Variants in PKP2 observed in about 807,000 individuals in gnomAD.
PKP2 encodes the protein plakophilin-2.
Under a neutral mutation model 83.4 loss-of-function variants are expected in PKP2, and 73 were observed. The ratio of observed to expected loss-of-function variants is 0.88; its 90% confidence interval spans 0.72 to 1.06. PKP2 has a LOEUF of 1.06. PKP2 is among the 50% of genes least tolerant of loss of function. The probability of loss-of-function intolerance (pLI) is 0.00; values close to 1 mark genes in which losing one functional copy is unlikely to be tolerated. For missense variants in PKP2, 966 were observed against 1,065.4 expected (o/e 0.91, Z 1.30); for synonymous variants, 409 against 430.4 (o/e 0.95, Z 0.62).
chr12:32,795,931 T>C (rs1055703192), intron 11 of PKP2, among the ~76,000 whole-genome samples, 178 bp downstream of exon 11: 1 of 152,210 alleles, frequency 6.6e-6, no homozygotes, highest in African/African-American at 2.4e-5. Flanking sequence ...TGTGGTGGAT[T>C]CAGTTCTTTC....
chr12:32,873,027 TC>T (rs1237618843), intron 3 of PKP2, among the ~76,000 whole-genome samples: 1 of 152,204 alleles, frequency 6.6e-6, no homozygotes, highest in African/African-American at 2.4e-5. Flanking sequence ...AATTTGACTG[TC>T]AATCCTAGAG....
rs558376565 is a variant in PKP2, at chr12:32,856,455, A to G, written c.1171-5482T>C. 9.9e-4 allele frequency among the ~76,000 whole-genome samples: 150 copies of G among 152,170 alleles called. 1 individual carries two copies. Among genetic ancestry groups the G allele is most frequent in the African/African-American group, 3.5e-3 (145 of 41,528 alleles). On this transcript the variant is annotated intron_variant, in intron 4 of 12. Coordinates refer to ENST00000340811, the MANE Select transcript of PKP2 (RefSeq NM_001005242.3). ...GTGGGTAGATTCCAAATACTTTTAG[A>G]AGTAGCATTAACAGGACCTGAAGAC...
At chr12:32,825,546 C>T (rs895245484) in intron 6 of PKP2, among the ~76,000 whole-genome samples, 3 of 152,126 alleles carry the variant, frequency 2.0e-5, no homozygotes, top group Non-Finnish European at 4.4e-5. Context: ...GTGTTAGTGT[C>T]ATTCTGAACA....
Position 32,808,256 on chromosome 12 carries a change from G to A in PKP2, c.2014-5700C>T, listed in dbSNP as rs150387694. Among the ~76,000 whole-genome samples the A allele has an allele frequency of 4.3e-3, 657 of 152,114 alleles. 4 individuals carry two copies. In the Middle Eastern group the frequency reaches 0.058, roughly 13 times the overall value. On this transcript the variant is annotated intron_variant, in intron 9 of 12. Transcript: ENST00000340811. ...CTTTTTTCTCTATTCTTGTCTGCCT[G>A]TCTTATTTCAGAAAGATAGTCTTCA...
intron 9 of PKP2, among the ~76,000 whole-genome samples, chr12:32,815,312 A>G (rs917550569): frequency 1.3e-5 from 2 of 152,190 alleles, no homozygotes; most frequent in African/African-American, 4.8e-5. Flanking sequence ...AGTCCTCTGT[A>G]GCCTGACATT....
In PKP2 at chr12:32,810,783, G is replaced by A. The variant is rs1223271964; in HGVS notation, c.2014-8227C>T. ...TGCAAGCTCCGCCTCCCGGGTTCAC[G>A]CCATTCTCCTGCCTCAGCCTCCCGA... On this transcript the variant is annotated intron_variant, in intron 9 of 12. Transcript: ENST00000340811. Among the ~76,000 whole-genome samples, 2 of 13,004 alleles carry A rather than the reference G, an allele frequency of 1.5e-4. 1 individual carries two copies. Among genetic ancestry groups the A allele is most frequent in the African/African-American group, 2.7e-4 (2 of 7,296 alleles). The allele number at this position is 13,004 out of a possible 152,430, so 8.5% of individuals were successfully genotyped here.
At chr12:32,805,747 C>G (rs542456406) in intron 9 of PKP2, among the ~76,000 whole-genome samples, 2 of 152,294 alleles carry the variant, frequency 1.3e-5, no homozygotes, top group Admixed American at 1.3e-4. Flanking sequence ...CATGATGCCT[C>G]TAGCTTTGAT....
chr12:32,837,557 C>G (rs1363037393), intron 6 of PKP2, among the ~76,000 whole-genome samples: 1 of 152,196 alleles, frequency 6.6e-6, no homozygotes, highest in Non-Finnish European at 1.5e-5. Context: ...CATTATGGCA[C>G]TCACTTCCCA....
intron 1 of PKP2, among the ~76,000 whole-genome samples, chr12:32,892,842 G>A (rs4420362): frequency 0.95 from 89,261 of 94,132 alleles, 42,649 homozygotes; most frequent in Non-Finnish European, 0.99. Flanking sequence ...GAACTGTGTA[G>A]CAAGTAGTAC....
intron 5 of PKP2, among the ~76,000 whole-genome samples, chr12:32,849,820 C>T (rs1262755694): frequency 6.6e-6 from 1 of 152,144 alleles, no homozygotes; most frequent in Non-Finnish European, 1.5e-5. Flanking sequence ...TATCCAGTTA[C>T]TCTTTTCTTC....
In PKP2 at chr12:32,796,134, T is replaced by A. The variant is rs145324631; in HGVS notation, c.2332A>T (p.Ile778Phe). ...DLLNTGGIQK[I>F]MAISAGDAYA... ...GCATCGCCTGCACTAATGGCCATAATTTTCTGGATGCCCCCGGTGTTTAGA... is the reference window on the plus strand; with the variant it reads ...GCATCGCCTGCACTAATGGCCATAAATTTCTGGATGCCCCCGGTGTTTAGA... The change falls in exon 11 of 13, where the codon ATT (isoleucine) becomes TTT (phenylalanine). Residue 778 changes from isoleucine (I) to phenylalanine (F), a missense_variant. By Grantham distance (21) the Ile-to-Phe change is conservative. Transcript: ENST00000340811. The A allele has an allele frequency of 1.9e-6, 3 of 1,614,098 alleles. No individual in the cohort carries two copies. Among genetic ancestry groups the A allele is most frequent in the Non-Finnish European group, 8.5e-7 (1 of 1,180,010 alleles).
intron 4 of PKP2, among the ~76,000 whole-genome samples, chr12:32,852,235 G>A (rs1380717276): frequency 1.3e-5 from 2 of 152,188 alleles, no homozygotes; most frequent in South Asian, 2.1e-4. Context: ...CCTTTCAGAC[G>A]AAGTTTGTCA....
chr12:32,855,223 C>T (rs1045168562), intron 4 of PKP2, among the ~76,000 whole-genome samples: 20 of 152,178 alleles, frequency 1.3e-4, no homozygotes, highest in African/African-American at 4.8e-4. Context: ...AAACCATTAA[C>T]ATCCAGCAAT....
chr12:32,819,367 C>T (rs1175053068), intron 9 of PKP2, among the ~76,000 whole-genome samples: 2 of 151,040 alleles, frequency 1.3e-5, no homozygotes, highest in Admixed American at 1.3e-4. Flanking sequence ...CATATTTGTC[C>T]CATGCTGCTA....
At position 32,822,558 on chromosome 12, in the gene PKP2, G is replaced by C. The variant is rs769817013; in HGVS notation, c.1748C>G (p.Ser583Cys). The change falls in exon 8 of 13, where the codon TCC becomes TGC. Residue 583 changes from serine to cysteine, a missense_variant. Coordinates refer to ENST00000340811, the MANE Select transcript of PKP2 (RefSeq NM_001005242.3). ...CCGGTTTTGAATATAGATATTCTGG[G>C]AATATTTCTCTGGGAGCTCTGCCTC... Reference protein sequence around the residue: ...QLEAELPEKYSQNIYIQNRNI... With the variant: ...QLEAELPEKYCQNIYIQNRNI... 6.2e-7 allele frequency: 1 copy of C among 1,613,840 alleles called. No homozygotes were observed. The highest frequency in any genetic ancestry group is 1.3e-5 in the African/African-American group (1 of 74,892).
In PKP2 at chr12:32,792,717, T is replaced by C. The variant is rs372729739; in HGVS notation, c.2372A>G (p.Lys791Arg). The C allele has an allele frequency of 1.4e-5, 23 of 1,613,514 alleles. No homozygotes were observed. Among genetic ancestry groups the C allele is most frequent in the African/African-American group, 4.0e-5 (3 of 74,772 alleles). ...ISAGDAYASNKASKAASVLLY... is the reference protein window; with the variant it reads ...ISAGDAYASNRASKAASVLLY... ...AAGGACGGAAGCAGCTTTACTTGCT[T>C]TGTTGGAGGCATAGCTGAAAAGAAA... The change falls in exon 12 of 13, where the codon AAA (lysine) becomes AGA (arginine). Residue 791 changes from lysine (K) to arginine (R), a missense_variant. Lys to Arg is a conservative substitution (Grantham distance 26). Coordinates refer to ENST00000340811, the MANE Select transcript of PKP2 (RefSeq NM_001005242.3).
intron 9 of PKP2, among the ~76,000 whole-genome samples, chr12:32,803,023 T>C (rs986479693): frequency 6.6e-5 from 10 of 152,154 alleles, no homozygotes; most frequent in Non-Finnish European, 1.2e-4. Context: ...TAAACTCTTA[T>C]TAAGTTTTCA....
intron 4 of PKP2, among the ~76,000 whole-genome samples, chr12:32,859,544 C>T (rs1010566417): frequency 1.3e-5 from 2 of 152,088 alleles, no homozygotes; most frequent in Non-Finnish European, 2.9e-5. Context: ...GCAACCTCTG[C>T]CCCCTGGGTT....
intron 10 of PKP2, among the ~76,000 whole-genome samples, chr12:32,796,797 T>A (rs1209274639): frequency 6.6e-6 from 1 of 152,196 alleles, no homozygotes; most frequent in Non-Finnish European, 1.5e-5. Flanking sequence ...AAGAGGATAC[T>A]CTGTGCTCAG....
Sources: gnomAD v4.1 joint callset for allele counts (sites outside exome capture counted in the v4.1 genomes callset) on GRCh38, gnomAD v4.1.1 for gene constraint, MANE v1.5 for transcripts, NCBI Gene and HGNC (gene_info 2026-07-23, HGNC 2026-07-21) for gene names.